The following EZH2 variants were observed in gnomAD, a reference collection of about 807,000 sequenced individuals.
The protein encoded by EZH2 is enhancer of zeste 2 polycomb repressive complex 2 subunit.
EZH2 carries 18 observed loss-of-function variants against 98.4 expected under a neutral mutation model. The observed-to-expected ratio is 0.18, with a 90% confidence interval of 0.13 to 0.27. The LOEUF (loss-of-function observed/expected upper bound fraction) is 0.27. EZH2 is among the 10% of genes least tolerant of loss of function. EZH2 has a pLI of 1.00. For synonymous variants in EZH2, 338 were observed against 312.3 expected (o/e 1.08, Z -0.87); for missense variants, 470 against 935.1 (o/e 0.50, Z 6.49).
At chr7:148,827,122 T>C (rs866536805) in intron 7 of EZH2, 42 bp downstream of exon 7, 4 of 1,486,126 alleles carry the variant, frequency 2.7e-6, no homozygotes, top group Middle Eastern at 3.5e-4. Flanking sequence ...GTGAGTTACA[T>C]ACCATACAGG....
chr7:148,822,327 T>A (rs564340727), intron 8 of EZH2, among the ~76,000 whole-genome samples: 2 of 151,882 alleles, frequency 1.3e-5, no homozygotes, highest in African/African-American at 4.8e-5. Context: ...CTGGCCAACA[T>A]GGCAAAACCA....
chr7:148,860,310 G>A (rs142377848), intron 1 of EZH2, among the ~76,000 whole-genome samples: 1 of 150,774 alleles, frequency 6.6e-6, no homozygotes, highest in African/African-American at 2.4e-5. Context: ...CCCTGACTGG[G>A]TTGACAGCAG....
chr7:148,838,015 G>A (rs114083837), intron 3 of EZH2, among the ~76,000 whole-genome samples: 542 of 149,890 alleles, frequency 3.6e-3, no homozygotes, highest in African/African-American at 0.012. Context: ...TGATAACACA[G>A]CATTTAACAT....
At chr7:148,883,733 C>A in intron 1 of EZH2, among the ~76,000 whole-genome samples, 1 of 151,938 alleles carries the variant, frequency 6.6e-6, no homozygotes, top group Non-Finnish European at 1.5e-5. Flanking sequence ...TGGGTCCCAC[C>A]AACTTGTGTC....
At chr7:148,839,565 A>C (rs1382972515) in intron 3 of EZH2, among the ~76,000 whole-genome samples, 9 of 151,898 alleles carry the variant, frequency 5.9e-5, no homozygotes, top group Non-Finnish European at 7.4e-5. Context: ...GACAAAAAAA[A>C]CTATTTTTTT....
At chr7:148,870,689 C>CT (rs1429352547) in intron 1 of EZH2, among the ~76,000 whole-genome samples, 2 of 145,964 alleles carry the variant, frequency 1.4e-5, no homozygotes, top group Non-Finnish European at 3.0e-5. Flanking sequence ...GAGTGGGACT[C>CT]TGTCTCAAAA....
intron 4 of EZH2, among the ~76,000 whole-genome samples, chr7:148,831,610 G>C (rs1809409586): frequency 6.6e-6 from 1 of 152,140 alleles, no homozygotes; most frequent in Non-Finnish European, 1.5e-5. Flanking sequence ...ATTTCAGTCT[G>C]TGAAAACATG....
At chr7:148,836,979 G>A (rs528421912) in intron 3 of EZH2, 1 of 501,544 alleles carries the variant, frequency 2.0e-6, no homozygotes, top group South Asian at 1.5e-5. Context: ...GAAAATCGTA[G>A]AGGGAAGAGC....
intron 1 of EZH2, among the ~76,000 whole-genome samples, chr7:148,869,593 C>T (rs150162005): frequency 0.022 from 3,359 of 151,950 alleles, no homozygotes; most frequent in African/African-American, 0.078. Context: ...CCACCTCAGC[C>T]GCTCAAAGTG....
intron 3 of EZH2, among the ~76,000 whole-genome samples, chr7:148,836,473 C>T (rs989345599): frequency 2.0e-5 from 3 of 152,178 alleles, no homozygotes; most frequent in Non-Finnish European, 4.4e-5. Context: ...TTACCAGCAA[C>T]TTATTTTTCT....
chr7:148,828,952 C>T (rs1585023274), intron 5 of EZH2, 72 bp from the exon 6 acceptor site: 2 of 1,483,092 alleles, frequency 1.3e-6, no homozygotes, highest in East Asian at 2.5e-5. Context: ...CCTTTTTCTA[C>T]TTGGACAAAA....
intron 3 of EZH2, among the ~76,000 whole-genome samples, chr7:148,842,024 A>T (rs1457231402): frequency 6.6e-6 from 1 of 152,202 alleles, no homozygotes; most frequent in African/African-American, 2.4e-5. Context: ...GAGGACCGTG[A>T]TCCCCTTCTG....
At chr7:148,865,125 CA>C (rs201434328) in intron 1 of EZH2, among the ~76,000 whole-genome samples, 2,942 of 92,366 alleles carry the variant, frequency 0.032, 48 homozygotes, top group African/African-American at 0.07. Flanking sequence ...AGACTTGTCT[CA>C]AAAAAAAAAA....
intron 1 of EZH2, among the ~76,000 whole-genome samples, chr7:148,876,555 T>C (rs1820195796): frequency 6.6e-6 from 1 of 152,220 alleles, no homozygotes; most frequent in Non-Finnish European, 1.5e-5. Flanking sequence ...GCCAACTCTA[T>C]AGAAAATTGT....
At chr7:148,844,958 TA>T (rs370647018) in intron 3 of EZH2, among the ~76,000 whole-genome samples, 7,852 of 144,298 alleles carry the variant, frequency 0.054, 278 homozygotes, top group Middle Eastern at 0.091. Context: ...TTGCCTGGAT[TA>T]AAAAAAAAAA....
chr7:148,857,638 CT>C (rs1817024533), intron 1 of EZH2, among the ~76,000 whole-genome samples: 1 of 152,144 alleles, frequency 6.6e-6, no homozygotes. Flanking sequence ...GTAATCCCAG[CT>C]ACTTGGGAGG....
At chr7:148,837,492 C>T (rs114567361) in intron 3 of EZH2, among the ~76,000 whole-genome samples, 1,906 of 152,278 alleles carry the variant, frequency 0.013, 35 homozygotes, top group African/African-American at 0.042. Context: ...AAAGATAACA[C>T]GCCCAAGTTT....
chr7:148,841,537 A>G (rs1268011269), intron 3 of EZH2, among the ~76,000 whole-genome samples: 6 of 152,186 alleles, frequency 3.9e-5, no homozygotes, highest in Non-Finnish European at 8.8e-5. Context: ...ATTTAAAGAC[A>G]TGAGAAAAGT....
intron 8 of EZH2, among the ~76,000 whole-genome samples, chr7:148,822,624 A>G (rs1806472798): frequency 6.6e-6 from 1 of 152,016 alleles, no homozygotes; most frequent in Non-Finnish European, 1.5e-5. Context: ...AGCTCCTAAG[A>G]CATCAAAAAG....
Sources: gnomAD v4.1 joint callset for allele counts (sites outside exome capture counted in the v4.1 genomes callset) on GRCh38, gnomAD v4.1.1 for gene constraint, MANE v1.5 for transcripts, NCBI Gene and HGNC (gene_info 2026-07-23, HGNC 2026-07-21) for gene names.